Variants in RAB10 observed in about 807,000 individuals in gnomAD.
RAB10 encodes RAB10, member RAS oncogene family.
In RAB10, 5 loss-of-function variants were observed where a neutral mutation model predicts 25.7. That is an observed-to-expected ratio of 0.19 (90% CI 0.10 to 0.41). The LOEUF (loss-of-function observed/expected upper bound fraction) is 0.41, where lower values mean the gene tolerates loss of function less well. Among genes scored for constraint, RAB10 ranks in the 10% least tolerant of loss-of-function variants. The pLI is 1.00. For missense variants in RAB10, 103 were observed against 245.8 expected (o/e 0.42, Z 3.89); for synonymous variants, 89 against 86.4 (o/e 1.03, Z -0.16).
At chr2:26,050,672 C>T (rs1666111474) in intron 1 of RAB10, among the ~76,000 whole-genome samples, 1 of 152,142 alleles carries the variant, frequency 6.6e-6, no homozygotes. Flanking sequence ...GGGTTTCACT[C>T]TGTCACCCAG....
At chr2:26,130,874 G>A (rs977268535) in intron 5 of RAB10, among the ~76,000 whole-genome samples, 6 of 152,218 alleles carry the variant, frequency 3.9e-5, no homozygotes, top group Non-Finnish European at 7.4e-5. Context: ...ATTCACAATC[G>A]AGTTAAAGAC....
intron 1 of RAB10, among the ~76,000 whole-genome samples, chr2:26,087,567 T>C (rs1667014026): frequency 6.6e-6 from 1 of 152,078 alleles, no homozygotes; most frequent in Admixed American, 6.6e-5. Context: ...CATGCCCAGC[T>C]AATTTTTGTA....
intron 1 of RAB10, among the ~76,000 whole-genome samples, chr2:26,055,391 ATT>A (rs536425050): frequency 1.1e-4 from 15 of 138,690 alleles, no homozygotes; most frequent in Admixed American, 2.2e-4. Context: ...CACTTGGCTA[ATT>A]TTTTTTTTTT....
In RAB10 at chr2:26,109,835, A is replaced by C; in HGVS notation, c.256A>C (p.Met86Leu). Residue 86 changes from methionine (M) to leucine (L), a missense_variant, in exon 3 of 6, where the codon ATG becomes CTG. Physicochemically the swap from Met to Leu is conservative, Grantham distance 15 (BLOSUM62 2). Transcript: ENST00000264710. Reference protein sequence around the residue: ...TSYYRGAMGIMLVYDITNGKS... With the variant: ...TSYYRGAMGILLVYDITNGKS... ...CTACTACAGAGGCGCAATGGGTATC[A>C]TGCTAGTATATGACATCACCAATGG... 1 of 1,611,164 alleles carries C rather than the reference A, an allele frequency of 6.2e-7. No homozygotes were observed. Among genetic ancestry groups the C allele is most frequent in the Non-Finnish European group, 8.5e-7 (1 of 1,178,744 alleles).
intron 2 of RAB10, among the ~76,000 whole-genome samples, chr2:26,100,501 A>G (rs1667319891): frequency 6.6e-6 from 1 of 152,162 alleles, no homozygotes; most frequent in African/African-American, 2.4e-5. Flanking sequence ...ATACGTTTCT[A>G]GGAATTAAAA....
intron 3 of RAB10, among the ~76,000 whole-genome samples, chr2:26,126,762 G>A (rs1048057503): frequency 6.6e-6 from 1 of 152,218 alleles, no homozygotes; most frequent in South Asian, 2.1e-4. Flanking sequence ...AGAGTTTAAG[G>A]CTCTATAAAA....
At chr2:26,097,119 A>G (rs933077776) in intron 1 of RAB10, among the ~76,000 whole-genome samples, 2 of 152,142 alleles carry the variant, frequency 1.3e-5, no homozygotes, top group South Asian at 2.1e-4. Context: ...TGGAAGGCTG[A>G]GGTAAGAGGA....
At chr2:26,050,971 T>C (rs1006982636) in intron 1 of RAB10, among the ~76,000 whole-genome samples, 5 of 151,830 alleles carry the variant, frequency 3.3e-5, no homozygotes, top group African/African-American at 1.2e-4. Flanking sequence ...CAGGCTAGAG[T>C]GCAGTGGCGT....
upstream of RAB10, chr2:26,033,964 T>G (rs1428924451): frequency 2.0e-5 from 8 of 396,856 alleles, no homozygotes; most frequent in Non-Finnish European, 3.6e-5. Flanking sequence ...GACTGAGGCT[T>G]GGAGACAGGA....
intron 5 of RAB10, among the ~76,000 whole-genome samples, chr2:26,129,546 A>C (rs1422617196): frequency 6.6e-6 from 1 of 152,184 alleles, no homozygotes; most frequent in Non-Finnish European, 1.5e-5. Context: ...TTTCTGAGCA[A>C]TTATAAGAGA....
At chr2:26,040,158 G>C (rs1013003647) in intron 1 of RAB10, among the ~76,000 whole-genome samples, 1 of 151,908 alleles carries the variant, frequency 6.6e-6, no homozygotes, top group Non-Finnish European at 1.5e-5. Flanking sequence ...AGGGTTTCTT[G>C]TTGTTGTTTA....
At chr2:26,047,469 GCA>G (rs1574526316) in intron 1 of RAB10, among the ~76,000 whole-genome samples, 1 of 151,970 alleles carries the variant, frequency 6.6e-6, no homozygotes, top group African/African-American at 2.4e-5. Context: ...AGGCTGGAGT[GCA>G]GTGGCACAAT....
chr2:26,118,210 G>A (rs1667731385), intron 3 of RAB10, among the ~76,000 whole-genome samples: 1 of 152,070 alleles, frequency 6.6e-6, no homozygotes, highest in East Asian at 1.9e-4. Flanking sequence ...TGACCTCATG[G>A]TCCGTCGTCC....
intron 5 of RAB10, among the ~76,000 whole-genome samples, chr2:26,128,427 CAGAA>C (rs967728976): frequency 4.4e-4 from 67 of 152,206 alleles, no homozygotes; most frequent in African/African-American, 1.5e-3. Context: ...ACTGGGGAAA[CAGAA>C]AGCCATCTAG....
chr2:26,125,776 CT>C (rs1667891196), intron 3 of RAB10, among the ~76,000 whole-genome samples: 1 of 152,018 alleles, frequency 6.6e-6, no homozygotes, highest in Non-Finnish European at 1.5e-5. Flanking sequence ...GTATTATTCC[CT>C]TTCAAATACA....
intron 5 of RAB10, among the ~76,000 whole-genome samples, chr2:26,132,546 C>T (rs1157337291): frequency 2.6e-5 from 4 of 152,218 alleles, no homozygotes; most frequent in Admixed American, 1.3e-4. Context: ...AGCCACCACG[C>T]GTGACCTGAA....
In RAB10 at chr2:26,034,502, C is replaced by A; in HGVS notation, c.-107C>A. The A allele has an allele frequency of 6.8e-7, 1 of 1,479,550 alleles. No individual in the cohort carries two copies. The highest frequency in any genetic ancestry group is 9.1e-7 in the Non-Finnish European group (1 of 1,093,494). 91.7% of individuals were successfully genotyped at this position (1,479,550 alleles called of 1,614,324 possible). Reference sequence around the variant, plus strand: ...CGCCGTCTCGAGCCTTTTTCCCACGCTTCCCCGGTCCTCCGGCCTGAGAAC... The same window carrying A: ...CGCCGTCTCGAGCCTTTTTCCCACGATTCCCCGGTCCTCCGGCCTGAGAAC... On this transcript the variant is annotated 5_prime_UTR_variant, in exon 1 of 6. Transcript: ENST00000264710.
At chr2:26,064,113 T>G (rs1292037969) in intron 1 of RAB10, among the ~76,000 whole-genome samples, 1 of 152,148 alleles carries the variant, frequency 6.6e-6, no homozygotes, top group Admixed American at 6.6e-5. Context: ...TTTGTTCTAT[T>G]TTTGGAGATA....
At chr2:26,067,543 A>G (rs952458636) in intron 1 of RAB10, among the ~76,000 whole-genome samples, 3 of 152,190 alleles carry the variant, frequency 2.0e-5, no homozygotes, top group Non-Finnish European at 4.4e-5. Flanking sequence ...AGCCTTGAAT[A>G]TTCTCCTTCC....
Sources: allele counts gnomAD v4.1 joint callset (sites outside exome capture counted in the v4.1 genomes callset), GRCh38; gene constraint gnomAD v4.1.1; transcripts MANE v1.5; gene names NCBI Gene and HGNC (gene_info 2026-07-23, HGNC 2026-07-21).